RAB11FIP5: variants seen among roughly 807,000 people sequenced by gnomAD.
The protein encoded by RAB11FIP5 is RAB11 family interacting protein 5.
Under a neutral mutation model 85.1 loss-of-function variants are expected in RAB11FIP5, and 48 were observed. The observed-to-expected ratio is 0.56, with a 90% CI of 0.45 to 0.72. The LOEUF is 0.72. RAB11FIP5 is among the 30% of genes least tolerant of loss of function. The pLI, the probability that RAB11FIP5 is intolerant of heterozygous loss-of-function variation, is 0.00. For synonymous variants in RAB11FIP5, 729 were observed against 727.3 expected, an observed-to-expected ratio of 1.00 and a Z score of -0.04; for missense variants, 1,491 against 1,687.0, an observed-to-expected ratio of 0.88 and a Z score of 2.04.
rs1278748376 is a variant in RAB11FIP5, at chr2:73,086,123, G to A, written c.1568+1927C>T. On this transcript the variant is annotated intron_variant, in intron 3 of 5. Coordinates refer to ENST00000486777, the MANE Select transcript of RAB11FIP5 (RefSeq NM_001371272.1). This position sits in a 1 kb window ranked among gnomAD's most constrained non-coding sequence, Gnocchi z 4.4. ...CAGGATGCTGCTGATTGAGCTCAAA[G>A]GCCAGGTGTCACATCTGTCCAGGCC... Among the ~76,000 whole-genome samples, 1 of 152,152 alleles carries A rather than the reference G, an allele frequency of 6.6e-6. No individual in the cohort carries two copies. The highest frequency in any genetic ancestry group is 1.5e-5 in the Non-Finnish European group (1 of 68,000).
At position 73,088,662 on chromosome 2, in the gene RAB11FIP5, C is replaced by T. The variant is rs769188248; in HGVS notation, c.956G>A (p.Arg319Gln). ...GTGGCCCTGAAGGTCCAGAAGGGCCCGAGGAGGAGCCACTCGCATCTGGTT... is the reference window on the plus strand; with the variant it reads ...GTGGCCCTGAAGGTCCAGAAGGGCCTGAGGAGGAGCCACTCGCATCTGGTT... Reference protein sequence around the residue: ...EANQMRVAPPRALLDLQGHLD... With the variant: ...EANQMRVAPPQALLDLQGHLD... The change falls in exon 3 of 6, where the codon CGG becomes CAG. Residue 319 changes from arginine to glutamine, a missense_variant. Coordinates refer to ENST00000486777, the MANE Select transcript of RAB11FIP5 (RefSeq NM_001371272.1). 1.7e-5 allele frequency: 27 copies of T among 1,613,052 alleles called. No individual in the cohort carries two copies. The highest frequency in any genetic ancestry group is 1.6e-4 in the Middle Eastern group (1 of 6,062).
At chr2:73,112,133 C>T (rs1419305659) in intron 1 of RAB11FIP5, among the ~76,000 whole-genome samples, 1 of 152,224 alleles carries the variant, frequency 6.6e-6, no homozygotes, top group East Asian at 1.9e-4. Flanking sequence ...CCCAGGCCTC[C>T]CAGGGACCAC....
rs766313052 is a variant in RAB11FIP5 at position 73,112,418 on chromosome 2, G to C, written c.360C>G (p.Val120=). Reference sequence around the variant, plus strand: ...CCGTGGCCTGGCCCAGGAACTTGTCGACGCCGATGAGCGAGCGGTGCATGG... The same window carrying C: ...CCGTGGCCTGGCCCAGGAACTTGTCCACGCCGATGAGCGAGCGGTGCATGG... ...LTTMHRSLIG[V]DKFLGQATVA... Residue 120 remains valine, a synonymous_variant, in exon 1 of 6, where the codon GTC becomes GTG. Coordinates refer to ENST00000486777, the MANE Select transcript of RAB11FIP5 (RefSeq NM_001371272.1). The C allele has an allele frequency of 1.2e-6, 2 of 1,601,652 alleles. No individual in the cohort carries two copies.
In RAB11FIP5 at chr2:73,075,544, T is replaced by C. The variant is rs1228465009; in HGVS notation, c.3952A>G (p.Ile1318Val). ...GGCTATTTGGGGGGGCCCGGGGGGA[T>C]CTGCAGCAGCGTGGGTGAGGTCTCC... is the stretch of plus-strand genomic sequence containing the variant. ...IMETSPTLLQ[I>V]PPGPPK Residue 1318 changes from isoleucine (I) to valine (V), a missense_variant, in exon 6 of 6, where the codon ATC becomes GTC. By Grantham distance (29) the Ile-to-Val change is conservative. Coordinates refer to ENST00000486777, the MANE Select transcript of RAB11FIP5 (RefSeq NM_001371272.1). The surrounding 1 kb of genome is among the most constrained non-coding windows in gnomAD (Gnocchi z 4.6). The C allele has an allele frequency of 1.9e-6, 3 of 1,613,748 alleles. No homozygotes were observed. In the Admixed American group the frequency reaches 5.0e-5, roughly 27 times the overall value.
chr2:73,112,630 C>G lies in RAB11FIP5; in HGVS notation c.148G>C (p.Val50Leu), dbSNP rs1237398294. The change falls in exon 1 of 6, where the codon GTG (valine) becomes CTG (leucine). Residue 50 changes from valine (V) to leucine (L), a missense_variant. Coordinates refer to ENST00000486777, the MANE Select transcript of RAB11FIP5 (RefSeq NM_001371272.1). ...GACGTACTGTACTTCTCGCGGCCCA[C>G]CTGGATCACCGTGTACGCGTCGCTG... ...STSDAYTVIQ[V>L]GREKYSTSVV... 6.2e-7 allele frequency: 1 copy of G among 1,602,298 alleles called. No homozygotes were observed. Among genetic ancestry groups the G allele is most frequent in the East Asian group, 2.3e-5 (1 of 44,086 alleles).
In RAB11FIP5 at chr2:73,075,363, G is replaced by GC; in HGVS notation, c.*157dup. ...GATGCCTCCAAAGGGAATCCAGAGGGCCCCCTTCCAGCAGCCCCAGTTGAG... is the reference window on the plus strand; with the variant it reads ...GATGCCTCCAAAGGGAATCCAGAGGGCCCCCCTTCCAGCAGCCCCAGTTGAG... On this transcript the variant is annotated 3_prime_UTR_variant, in exon 6 of 6. Coordinates refer to ENST00000486777, the MANE Select transcript of RAB11FIP5 (RefSeq NM_001371272.1). This position sits in a 1 kb window ranked among gnomAD's most constrained non-coding sequence, Gnocchi z 4.6. 1 of 784,748 alleles carries GC rather than the reference G, an allele frequency of 1.3e-6. No homozygotes were observed. The allele number at this position is 784,748 out of a possible 1,614,324, so 48.6% of individuals were successfully genotyped here.
chr2:73,110,528 G>C (rs952412243), intron 1 of RAB11FIP5, among the ~76,000 whole-genome samples: 1 of 151,078 alleles, frequency 6.6e-6, no homozygotes, highest in African/African-American at 2.4e-5. Context: ...AGAGAAAACA[G>C]CCAGGTGGGT....
At chr2:73,108,314 C>T (rs950103191) in intron 1 of RAB11FIP5, among the ~76,000 whole-genome samples, 1 of 152,196 alleles carries the variant, frequency 6.6e-6, no homozygotes, top group Non-Finnish European at 1.5e-5. Flanking sequence ...ACCATTGATC[C>T]AACAGGCCCA....
chr2:73,096,860 T>C (rs1457992989), intron 1 of RAB11FIP5, among the ~76,000 whole-genome samples: 1 of 152,162 alleles, frequency 6.6e-6, no homozygotes, highest in Non-Finnish European at 1.5e-5. Flanking sequence ...CTGGTGTCCC[T>C]GAACCCATCA....
chr2:73,109,534 C>T (rs1376679944), intron 1 of RAB11FIP5, among the ~76,000 whole-genome samples: 1 of 152,176 alleles, frequency 6.6e-6, no homozygotes, highest in South Asian at 2.1e-4. Context: ...ATCCCAGTCT[C>T]CAGGTTTTTA....
intron 1 of RAB11FIP5, among the ~76,000 whole-genome samples, chr2:73,111,638 GCCGCTGC>G (rs1684657402): frequency 1.3e-5 from 2 of 152,218 alleles, no homozygotes; most frequent in Admixed American, 1.3e-4. Context: ...CATTAACCAT[GCCGCTGC>G]CTCTACCTCA....
In RAB11FIP5 at chr2:73,081,029, C is replaced by T. The variant is rs968202152; in HGVS notation, c.2203G>A (p.Ala735Thr). The change falls in exon 4 of 6, where the codon GCG (alanine) becomes ACG (threonine). Residue 735 changes from alanine to threonine, a missense_variant. This residue lies in a region of RAB11FIP5 where 1,211 missense variants were observed against 1,338.0 expected (regional missense o/e 0.91). Transcript: ENST00000486777. This position sits in a 1 kb window ranked among gnomAD's most constrained non-coding sequence, Gnocchi z 4.2. ...PLDLGPNHQS[A>T]SAADPGLLGS... is the part of the protein sequence containing the mutation. The stretch of plus-strand genomic sequence containing the variant: ...AGGAGCCCTGGGTCAGCCGCGCTCG[C>T]GCTCTGGTGGTTCGGTCCCAAGTCC... The T allele has an allele frequency of 5.1e-5, 63 of 1,232,450 alleles. No individual in the cohort carries two copies. The highest frequency in any genetic ancestry group is 6.2e-5 in the African/African-American group (4 of 64,420). The allele number at this position is 1,232,450 out of a possible 1,614,324, so 76.3% of individuals were successfully genotyped here.
chr2:73,076,230 G>A (rs551077192), intron 4 of RAB11FIP5, 48 bp from the exon 5 acceptor site: 28 of 1,497,750 alleles, frequency 1.9e-5, no homozygotes, highest in East Asian at 1.6e-4. Flanking sequence ...AGGGTGGCAC[G>A]GGTCAAAGGT....
chr2:73,100,539 C>T (rs1684408653), intron 1 of RAB11FIP5, among the ~76,000 whole-genome samples: 2 of 149,442 alleles, frequency 1.3e-5, no homozygotes, highest in Middle Eastern at 3.5e-3. Flanking sequence ...AATTCTTATG[C>T]CTCAGCCTCC....
At chr2:73,101,813 C>T (rs1391424496) in intron 1 of RAB11FIP5, among the ~76,000 whole-genome samples, 1 of 152,220 alleles carries the variant, frequency 6.6e-6, no homozygotes, top group East Asian at 1.9e-4. Context: ...CAGCCTGACA[C>T]CCACCACCCC....
chr2:73,084,452 C>T (rs1684056184), intron 3 of RAB11FIP5: 1 of 152,344 alleles, frequency 6.6e-6, no homozygotes, highest in South Asian at 2.1e-4. Context: ...TCTCCCCACC[C>T]CCAAGCGGTG....
chr2:73,079,928 C>T lies in RAB11FIP5; in HGVS notation c.3304G>A (p.Glu1102Lys). The change falls in exon 4 of 6, where the codon GAG (glutamate) becomes AAG (lysine). Residue 1102 changes from glutamate to lysine, a missense_variant. By Grantham distance (56) the Glu-to-Lys change is moderately conservative. Coordinates refer to ENST00000486777, the MANE Select transcript of RAB11FIP5 (RefSeq NM_001371272.1). ...SGPEELPTPPEPDFPPPPLPP... is the reference protein window; with the variant it reads ...SGPEELPTPPKPDFPPPPLPP... ...AGAGGGGGCGGTGGAAAGTCAGGCT[C>T]TGGGGGAGTGGGCAGCTCTTCTGGA... The T allele has an allele frequency of 8.1e-7, 1 of 1,232,332 alleles. No individual in the cohort carries two copies. Among genetic ancestry groups the T allele is most frequent in the Non-Finnish European group, 1.0e-6 (1 of 988,122 alleles). 76.3% of individuals were successfully genotyped at this position (1,232,332 alleles called of 1,614,324 possible).
chr2:73,094,710 C>T (rs1291827032), intron 1 of RAB11FIP5, among the ~76,000 whole-genome samples: 1 of 152,110 alleles, frequency 6.6e-6, no homozygotes, highest in Non-Finnish European at 1.5e-5. Context: ...CTTAAGGACA[C>T]TCAATCGGTA....
At chr2:73,077,079 C>G (rs1683877590) in intron 4 of RAB11FIP5, among the ~76,000 whole-genome samples, 1 of 152,110 alleles carries the variant, frequency 6.6e-6, no homozygotes, top group Non-Finnish European at 1.5e-5. Flanking sequence ...GTTCTCTCCT[C>G]TCCTCCTCCC....
Sources: gnomAD v4.1 joint callset for allele counts (sites outside exome capture counted in the v4.1 genomes callset) on GRCh38, gnomAD v4.1.1 for gene constraint, gnomAD v4.1.1 regional missense constraint, Gnocchi (gnomAD v3.1) non-coding constraint, MANE v1.5 for transcripts, NCBI Gene and HGNC (gene_info 2026-07-23, HGNC 2026-07-21) for gene names.